Variants in IFT140 observed in about 807,000 individuals in gnomAD.
IFT140 encodes the protein intraflagellar transport 140, also known as intraflagellar transport protein 140 homolog.
In IFT140, 133 loss-of-function variants were observed where a neutral mutation model predicts 164.6. The ratio of observed to expected loss-of-function variants is 0.81; its 90% CI spans 0.70 to 0.93. The LOEUF (loss-of-function observed/expected upper bound fraction) is 0.93. Ranked by LOEUF, IFT140 falls within the 40% of genes least tolerant of loss-of-function variation. The pLI is 0.00. For synonymous variants in IFT140, 860 were observed against 817.3 expected (o/e 1.05, Z -0.89); for missense variants, 2,045 against 1,972.3 (o/e 1.04, Z -0.70).
At chr16:1,539,049 G>A (rs1313396945) in intron 19 of IFT140, among the ~76,000 whole-genome samples, 2 of 144,638 alleles carry the variant, frequency 1.4e-5, no homozygotes, top group Non-Finnish European at 3.0e-5. Flanking sequence ...AGTGCCAGAT[G>A]GCCCCACGCC....
At chr16:1,554,596 G>A (rs371222614) in intron 19 of IFT140, among the ~76,000 whole-genome samples, 1 of 152,192 alleles carries the variant, frequency 6.6e-6, no homozygotes, top group Non-Finnish European at 1.5e-5. Flanking sequence ...CAGCCGCCCC[G>A]TAAAGCAGGA....
intron 19 of IFT140, among the ~76,000 whole-genome samples, chr16:1,549,025 C>A (rs1256567062): frequency 6.6e-6 from 1 of 152,266 alleles, no homozygotes; most frequent in Non-Finnish European, 1.5e-5. Flanking sequence ...CGCTCTCCAG[C>A]AGCGGTGCCC....
At chr16:1,536,412 G>C (rs2031077391) in intron 19 of IFT140, among the ~76,000 whole-genome samples, 1 of 152,162 alleles carries the variant, frequency 6.6e-6, no homozygotes, top group Non-Finnish European at 1.5e-5. Flanking sequence ...TGCGTCCACT[G>C]CTCCTCCCTG....
In IFT140 at chr16:1,524,893, T is replaced by G; in HGVS notation, c.2888A>C (p.Gln963Pro). 6.2e-7 allele frequency: 1 copy of G among 1,609,592 alleles called. No homozygotes were observed. Among genetic ancestry groups the G allele is most frequent in the South Asian group, 1.1e-5 (1 of 91,026 alleles). Residue 963 changes from glutamine to proline, a missense_variant, in exon 23 of 31, where the codon CAG becomes CCG. Coordinates refer to ENST00000426508, the MANE Select transcript of IFT140 (RefSeq NM_014714.4). The stretch of plus-strand genomic sequence containing the variant: ...CATCTCGCCCTGGCTCTCCAGGTAC[T>G]GCGCCCACCACCGCCACAGGGTCCT... ...KDKTLWRWWA[Q>P]YLESQGEMDA...
intron 7 of IFT140, 26 bp downstream of exon 7, chr16:1,589,579 G>A (rs762202985): frequency 9.4e-6 from 15 of 1,603,894 alleles, no homozygotes; most frequent in Middle Eastern, 3.3e-4. Context: ...TCCCCAGCGT[G>A]AGCCCCCAAG....
chr16:1,567,967 A>G (rs1438550756), intron 15 of IFT140, among the ~76,000 whole-genome samples: 2 of 152,208 alleles, frequency 1.3e-5, no homozygotes, highest in South Asian at 2.1e-4. Context: ...GAGGACTTGG[A>G]GAAAGGCAGG....
intron 18 of IFT140, among the ~76,000 whole-genome samples, chr16:1,561,129 TG>T (rs2141499189): frequency 6.6e-6 from 1 of 152,358 alleles, no homozygotes; most frequent in South Asian, 2.1e-4. Context: ...TGACTCGGGA[TG>T]CTCCCAGAGG....
chr16:1,552,958 T>C, intron 19 of IFT140: 1 of 985,094 alleles, frequency 1.0e-6, no homozygotes, highest in Non-Finnish European at 1.2e-6. Flanking sequence ...TTGTCTAGAA[T>C]GTTATTTTTA....
chr16:1,512,097 A>G (rs923808765), intron 30 of IFT140, among the ~76,000 whole-genome samples: 1 of 137,362 alleles, frequency 7.3e-6, no homozygotes, highest in Non-Finnish European at 1.6e-5. Flanking sequence ...GGCAGGCAGA[A>G]GGTGCGGAGG....
In IFT140 at chr16:1,561,994, G is replaced by A; in HGVS notation, c.2190C>T (p.Phe730=). 1.2e-6 allele frequency: 2 copies of A among 1,601,910 alleles called. No homozygotes were observed. The highest frequency in any genetic ancestry group is 1.7e-6 in the Non-Finnish European group (2 of 1,175,042). ...TGTCGTGGCTTCGTACCTTTCTTGT[G>A]AAGTAGTAATAAGGCACTTCCATCC... The part of the protein sequence containing the change: ...LLGMEVPYYY[F]TRKPEEADRE... The change falls in exon 18 of 31, where the codon TTC becomes TTT. Residue 730 remains phenylalanine, a synonymous_variant. Transcript: ENST00000426508.
At chr16:1,573,101 C>T (rs2034105761) in intron 13 of IFT140, among the ~76,000 whole-genome samples, 1 of 152,160 alleles carries the variant, frequency 6.6e-6, no homozygotes, top group Non-Finnish European at 1.5e-5. Context: ...GTTTAGGAAA[C>T]TGAGGGTGAG....
chr16:1,591,098 T>C (rs764043276), intron 6 of IFT140, among the ~76,000 whole-genome samples: 21 of 152,322 alleles, frequency 1.4e-4, no homozygotes, highest in Non-Finnish European at 2.2e-4. Context: ...GGCACAGCGA[T>C]GAACTCACCC....
intron 29 of IFT140, 46 bp from the exon 30 acceptor site, chr16:1,518,403 C>T: frequency 6.3e-7 from 1 of 1,578,552 alleles, no homozygotes; most frequent in Non-Finnish European, 8.6e-7. Flanking sequence ...CCCTGAACAC[C>T]TACTGCTATC....
In IFT140 at chr16:1,552,000, T is replaced by C. The variant is rs1182001890; in HGVS notation, c.2399+5935A>G. Among the ~76,000 whole-genome samples, 2 of 152,156 alleles carry C rather than the reference T, an allele frequency of 1.3e-5. No homozygotes were observed. Among genetic ancestry groups the C allele is most frequent in the Non-Finnish European group, 2.9e-5 (2 of 68,034 alleles). On this transcript the variant is annotated intron_variant, in intron 19 of 30. Coordinates refer to ENST00000426508, the MANE Select transcript of IFT140 (RefSeq NM_014714.4). The surrounding 1 kb of genome is among the most constrained non-coding windows in gnomAD (Gnocchi z 4.0). Reference sequence around the variant, plus strand: ...AATGACGGTACCTCCAGGTCCCCTATGTGTGGAAACTGACCCCCACGGCAA... The same window carrying C: ...AATGACGGTACCTCCAGGTCCCCTACGTGTGGAAACTGACCCCCACGGCAA...
At chr16:1,568,109 A>G in intron 15 of IFT140, 108 bp downstream of exon 15, 3 of 755,062 alleles carry the variant, frequency 4.0e-6, no homozygotes, top group Non-Finnish European at 6.8e-6. Context: ...AGAACACAGG[A>G]CAGGAAGACT....
At chr16:1,604,620 C>A (rs1031019252) in intron 3 of IFT140, 6 of 152,438 alleles carry the variant, frequency 3.9e-5, no homozygotes, top group African/African-American at 1.4e-4. Flanking sequence ...GATGCCAAGA[C>A]AGGCCAGGCC....
At position 1,533,150 on chromosome 16, in the gene IFT140, A is replaced by T. The variant is rs891918426; in HGVS notation, c.2400-6354T>A. The T allele has an allele frequency of 6.6e-6, 1 of 152,428 alleles. No homozygotes were observed. The highest frequency in any genetic ancestry group is 2.4e-5 in the African/African-American group (1 of 41,332). 9.4% of individuals were successfully genotyped at this position (152,428 alleles called of 1,614,324 possible). A position where few individuals can be genotyped will look rare whatever the true frequency, so the allele number is the denominator to read the frequency against. ...TCCCTGGCCCCGAGGTCCTCCAAGT[A>T]CAGGTCCCTGGCCCTGCAGGTCTGG... On this transcript the variant is annotated intron_variant, in intron 19 of 30. Coordinates refer to ENST00000426508, the MANE Select transcript of IFT140 (RefSeq NM_014714.4). This position sits in a 1 kb window ranked among gnomAD's most constrained non-coding sequence, Gnocchi z 4.7.
At chr16:1,606,843 C>T (rs550546175) in intron 3 of IFT140, among the ~76,000 whole-genome samples, 27 of 151,850 alleles carry the variant, frequency 1.8e-4, no homozygotes, top group Middle Eastern at 3.4e-3. Context: ...CACACACACA[C>T]GTGTGCACAC....
At chr16:1,541,197 T>G (rs2031597847) in intron 19 of IFT140, 1 of 985,296 alleles carries the variant, frequency 1.0e-6, no homozygotes, top group African/African-American at 1.7e-5. Context: ...GGCACAGGCC[T>G]GCTGTGAGTG....
Sources: gnomAD v4.1 joint callset for allele counts (sites outside exome capture counted in the v4.1 genomes callset) on GRCh38, gnomAD v4.1.1 for gene constraint, Gnocchi (gnomAD v3.1) non-coding constraint, MANE v1.5 for transcripts, NCBI Gene and HGNC (gene_info 2026-07-23, HGNC 2026-07-21) for gene names.